HMMR: variants seen among roughly 807,000 people sequenced by gnomAD.
HMMR encodes the protein hyaluronan mediated motility receptor.
HMMR carries 108 observed loss-of-function variants against 101.0 expected under a neutral mutation model. That is an observed-to-expected ratio of 1.07 (90% CI 0.92 to 1.25). The LOEUF (loss-of-function observed/expected upper bound fraction) is 1.25, where lower values mean the gene tolerates loss of function less well. Ranked by LOEUF, HMMR falls within the 50% of genes most tolerant of loss-of-function variation. The probability of loss-of-function intolerance (pLI) is 0.00; values close to 1 mark genes in which losing one functional copy is unlikely to be tolerated. For missense variants in HMMR, 813 were observed against 788.7 expected, an observed-to-expected ratio of 1.03 and a Z score of -0.37; for synonymous variants, 296 against 276.4, an observed-to-expected ratio of 1.07 and a Z score of -0.70.
chr5:163,490,225 A>C (rs1448699534), intron 16 of HMMR, among the ~76,000 whole-genome samples, 165 bp from the exon 17 acceptor site: 1 of 152,134 alleles, frequency 6.6e-6, no homozygotes, highest in Non-Finnish European at 1.5e-5. Context: ...CAGCTGTTTC[A>C]TGTCATTTTG....
intron 13 of HMMR, 70 bp from the exon 14 acceptor site, chr5:163,482,948 AAG>A (rs201321515): frequency 0.017 from 20,837 of 1,237,780 alleles, 3 homozygotes; most frequent in South Asian, 0.027. Context: ...TTGAGGTTTA[AAG>A]AAAAAAAAAG....
At chr5:163,462,183 GT>G (rs1255363545) in intron 1 of HMMR, among the ~76,000 whole-genome samples, 3 of 151,838 alleles carry the variant, frequency 2.0e-5, no homozygotes, top group East Asian at 1.9e-4. Flanking sequence ...GGTTTTTTTG[GT>G]TTTTTTGTTG....
chr5:163,491,057 G>A, intron 17 of HMMR, 55 bp from the exon 18 acceptor site: 1 of 985,510 alleles, frequency 1.0e-6, no homozygotes. Flanking sequence ...TTATAATGAT[G>A]GATAAATTCG....
In HMMR at chr5:163,475,584, G is replaced by GA. The variant is rs775498355; in HGVS notation, c.1182dup (p.Gln395ThrfsTer3). On this transcript the variant is annotated frameshift_variant, in exon 11 of 18. Coordinates refer to ENST00000393915, the MANE Select transcript of HMMR (RefSeq NM_001142556.2). LOFTEE classifies it high-confidence loss of function. ...GCTTGATAAATTACAGCAAAAGGAGGAACAAGCTGAAAGGCTGGTCAAGCA... is the reference window on the plus strand; with the variant it reads ...GCTTGATAAATTACAGCAAAAGGAGGAAACAAGCTGAAAGGCTGGTCAAGCA... The GA allele has an allele frequency of 1.2e-6, 2 of 1,612,718 alleles. No homozygotes were observed. The highest frequency in any genetic ancestry group is 8.5e-7 in the Non-Finnish European group (1 of 1,178,984).
chr5:163,482,919 A>G (rs1305712039), intron 13 of HMMR, 101 bp from the exon 14 acceptor site: 10 of 1,337,712 alleles, frequency 7.5e-6, no homozygotes, highest in Non-Finnish European at 1.0e-5. Context: ...TTAAAAAATG[A>G]CACTTCTTGA....
chr5:163,473,916 T>C, intron 9 of HMMR, 141 bp from the exon 10 acceptor site: 1 of 678,126 alleles, frequency 1.5e-6, no homozygotes, highest in Non-Finnish European at 2.6e-6. Context: ...CATGGAGTAA[T>C]GATACAAAGT....
At position 163,475,479 on chromosome 5, in the gene HMMR, C is replaced by T; in HGVS notation, c.1075C>T (p.Gln359Ter). The T allele has an allele frequency of 1.3e-6, 2 of 1,594,820 alleles. No individual in the cohort carries two copies. The highest frequency in any genetic ancestry group is 8.5e-7 in the Non-Finnish European group (1 of 1,169,674). Residue 359 changes from glutamine (Q) to a stop codon, truncating the protein, a stop_gained, in exon 11 of 18, where the codon CAG (glutamine) becomes TAG (stop). Coordinates refer to ENST00000393915, the MANE Select transcript of HMMR (RefSeq NM_001142556.2). LOFTEE classifies it high-confidence loss of function. ...QEKELSSSLH[Q>*]KLCSFQEEMV... ...ATAGGAATTATCTTCGAGTCTTCAT[C>T]AGAAGCTCTGTTCTTTTCAAGAGGA...
intron 13 of HMMR, 50 bp from the exon 14 acceptor site, chr5:163,482,970 A>C (rs772439839): frequency 1.3e-6 from 2 of 1,503,574 alleles, no homozygotes; most frequent in Non-Finnish European, 1.8e-6. Flanking sequence ...GGAAAAATTA[A>C]TGAAAGTGGC....
At chr5:163,467,780 C>T (rs980243861) in intron 4 of HMMR, 32 bp downstream of exon 4, 1 of 1,263,446 alleles carries the variant, frequency 7.9e-7, no homozygotes, top group Non-Finnish European at 1.2e-6. Context: ...GTGAAAAGTA[C>T]ACATGATAGA....
chr5:163,470,169 AAAAACAAAAC>A (rs1229711278), intron 5 of HMMR, among the ~76,000 whole-genome samples: 2 of 152,122 alleles, frequency 1.3e-5, no homozygotes, highest in African/African-American at 2.4e-5. Context: ...CTCCATCTCA[AAAAACAAAAC>A]AAAACAAAAC....
Position 163,477,465 on chromosome 5 carries a change from T to C in HMMR, c.1269-1219T>C, listed in dbSNP as rs1332533147. On this transcript the variant is annotated intron_variant, in intron 11 of 17. Transcript: ENST00000393915. ...GTTTTCTTATGATTAGTGATGCAAATGAACAGCAAGGTTTTTCATATCCCT... is the reference window on the plus strand; with the variant it reads ...GTTTTCTTATGATTAGTGATGCAAACGAACAGCAAGGTTTTTCATATCCCT... Among the ~76,000 whole-genome samples, 6 of 152,288 alleles carry C rather than the reference T, an allele frequency of 3.9e-5. No homozygotes were observed. The East Asian group carries it at 9.6e-4, about 24-fold the overall frequency.
chr5:163,482,936 C>G, intron 13 of HMMR, 84 bp from the exon 14 acceptor site: 1 of 1,366,002 alleles, frequency 7.3e-7, no homozygotes, highest in Non-Finnish European at 1.0e-6. Flanking sequence ...TTGAAGAGTT[C>G]CTTGAGGTTT....
intron 12 of HMMR, among the ~76,000 whole-genome samples, chr5:163,482,207 A>G (rs772911598): frequency 3.9e-4 from 60 of 152,050 alleles, no homozygotes; most frequent in Non-Finnish European, 8.7e-4. Context: ...ATGAGCCACC[A>G]CGCCCAGCCT....
rs1208941281 is a variant in HMMR, at chr5:163,473,439, G to C, written c.786G>C (p.Leu262Phe). 1.2e-6 allele frequency: 2 copies of C among 1,610,304 alleles called. No homozygotes were observed. The highest frequency in any genetic ancestry group is 1.7e-6 in the Non-Finnish European group (2 of 1,177,524). ...ATATTGCCCAGTTAGAAGAAAATTTGAAAGAGAAGAATGATGAAATTTTAA... is the reference window on the plus strand; with the variant it reads ...ATATTGCCCAGTTAGAAGAAAATTTCAAAGAGAAGAATGATGAAATTTTAA... Reference protein sequence around the residue: ...KLDIAQLEENLKEKNDEILSL... With the variant: ...KLDIAQLEENFKEKNDEILSL... Residue 262 changes from leucine to phenylalanine, a missense_variant, in exon 9 of 18, where the codon TTG (leucine) becomes TTC (phenylalanine). By Grantham distance (22) the Leu-to-Phe change is conservative. Transcript: ENST00000393915.
chr5:163,466,504 AATAC>A lies in HMMR; in HGVS notation c.226-1193_226-1190del, dbSNP rs1382056978. ...AAATTTTTAATATTTAATTTTAATTAATACATATTTAAAGACATACTCGATTTTG... is the reference window on the plus strand; with the variant it reads ...AAATTTTTAATATTTAATTTTAATTAATATTTAAAGACATACTCGATTTTG... On this transcript the variant is annotated intron_variant, in intron 3 of 17. Coordinates refer to ENST00000393915, the MANE Select transcript of HMMR (RefSeq NM_001142556.2). 3.9e-5 allele frequency among the ~76,000 whole-genome samples: 6 copies of A among 152,308 alleles called. No individual in the cohort carries two copies. In the East Asian group the frequency reaches 1.2e-3, roughly 29 times the overall value.
intron 11 of HMMR, among the ~76,000 whole-genome samples, chr5:163,476,349 G>A (rs1051013209): frequency 1.3e-5 from 2 of 151,776 alleles, no homozygotes; most frequent in African/African-American, 4.8e-5. Flanking sequence ...TGAACTTGGG[G>A]GAAAAAAATA....
chr5:163,474,629 A>G (rs1581193918), intron 10 of HMMR: 1 of 455,156 alleles, frequency 2.2e-6, no homozygotes, highest in East Asian at 6.9e-5. Flanking sequence ...ATAGGATGGA[A>G]ACAGAGAAGG....
In HMMR at chr5:163,474,190, T is replaced by G; in HGVS notation, c.1038T>G (p.Leu346=). Residue 346 remains leucine, a synonymous_variant, in exon 10 of 18, where the codon CTT becomes CTG. Coordinates refer to ENST00000393915, the MANE Select transcript of HMMR (RefSeq NM_001142556.2). ...AAAAAGAATTACAAATTGATTCACT[T>G]CTGCAACAAGAGAAAGTAATTTACC... is the stretch of plus-strand genomic sequence containing the variant. ...LQQKELQIDS[L]LQQEKELSSS... 6.2e-7 allele frequency: 1 copy of G among 1,605,112 alleles called. No homozygotes were observed. Among genetic ancestry groups the G allele is most frequent in the Non-Finnish European group, 8.5e-7 (1 of 1,176,504 alleles).
Position 163,475,646 on chromosome 5 carries a change from A to C in HMMR, c.1242A>C (p.Leu414Phe), listed in dbSNP as rs1759045172. 1 of 1,607,044 alleles carries C rather than the reference A, an allele frequency of 6.2e-7. No homozygotes were observed. The highest frequency in any genetic ancestry group is 8.5e-7 in the Non-Finnish European group (1 of 1,174,734). ...EEEAKSRAEE[L>F]KLLEEKLKGK... ...AAGCAAAATCTAGAGCTGAAGAATT[A>C]AAACTCCTAGAAGAAAAGCTGAAAG... Residue 414 changes from leucine (L) to phenylalanine (F), a missense_variant, in exon 11 of 18, where the codon TTA becomes TTC. Coordinates refer to ENST00000393915, the MANE Select transcript of HMMR (RefSeq NM_001142556.2).
Sources: gnomAD v4.1 joint callset for allele counts (sites outside exome capture counted in the v4.1 genomes callset) on GRCh38, gnomAD v4.1.1 for gene constraint, MANE v1.5 for transcripts, NCBI Gene and HGNC (gene_info 2026-07-23, HGNC 2026-07-21) for gene names.